Variants in PRKCE observed in about 807,000 individuals in gnomAD.
PRKCE encodes protein kinase C epsilon.
Under a neutral mutation model 85.4 loss-of-function variants are expected in PRKCE, and 16 were observed. The observed-to-expected ratio is 0.19, with a 90% confidence interval of 0.13 to 0.28. The LOEUF is 0.28. PRKCE is among the 10% of genes least tolerant of loss of function. The probability of loss-of-function intolerance (pLI) is 1.00; values close to 1 mark genes in which losing one functional copy is unlikely to be tolerated. For synonymous variants in PRKCE, 388 were observed against 371.5 expected (o/e 1.04, Z -0.51); for missense variants, 573 against 975.2 (o/e 0.59, Z 5.49).
intron 1 of PRKCE, among the ~76,000 whole-genome samples, chr2:45,713,227 C>T (rs1397036464): frequency 6.6e-6 from 1 of 152,160 alleles, no homozygotes; most frequent in Admixed American, 6.6e-5. Flanking sequence ...CATACAGAGG[C>T]TGTCATTGTT....
At chr2:45,693,276 G>A (rs1677885084) in intron 1 of PRKCE, among the ~76,000 whole-genome samples, 1 of 152,178 alleles carries the variant, frequency 6.6e-6, no homozygotes, top group Admixed American at 6.5e-5. Context: ...AGGAAGATAA[G>A]TTTGCTTGTA....
At chr2:45,651,562 G>T (rs1675121524), upstream of PRKCE, 1 of 153,822 alleles carries the variant, frequency 6.5e-6, no homozygotes, top group African/African-American at 2.4e-5. Context: ...TCACCCCCCC[G>T]CCCCGCGCGG....
In PRKCE at chr2:46,110,827, A is replaced by G. The variant is rs1400598025; in HGVS notation, c.1592+24465A>G. Among the ~76,000 whole-genome samples, 4 of 152,120 alleles carry G rather than the reference A, an allele frequency of 2.6e-5. No individual in the cohort carries two copies. The East Asian group carries it at 7.7e-4, about 29-fold the overall frequency. ...TCTTGTTTTTTAATGTACACATTCA[A>G]TGCTATAAAATTCTGTTTAAACACT... On this transcript the variant is annotated intron_variant, in intron 11 of 14. Coordinates refer to ENST00000306156, the MANE Select transcript of PRKCE (RefSeq NM_005400.3).
At chr2:45,677,459 C>T (rs1208141449) in intron 1 of PRKCE, among the ~76,000 whole-genome samples, 1 of 151,578 alleles carries the variant, frequency 6.6e-6, no homozygotes, top group South Asian at 2.1e-4. Flanking sequence ...CGGGTTCCCG[C>T]CATTCTCCTG....
intron 14 of PRKCE, among the ~76,000 whole-genome samples, chr2:46,169,906 G>T (rs966864513): frequency 6.6e-6 from 1 of 152,160 alleles, no homozygotes; most frequent in Non-Finnish European, 1.5e-5. Flanking sequence ...AGACAGAACT[G>T]GGTGCTAGTC....
At chr2:46,180,524 G>C (rs1333037860) in intron 14 of PRKCE, among the ~76,000 whole-genome samples, 1 of 152,188 alleles carries the variant, frequency 6.6e-6, no homozygotes, top group Middle Eastern at 3.2e-3. Flanking sequence ...GGATTTGGAG[G>C]CACAGAAAGA....
rs1359281820 is a variant in PRKCE, at chr2:46,138,495, C to T, written c.1593-6598C>T. On this transcript the variant is annotated intron_variant, in intron 11 of 14. Transcript: ENST00000306156. This position sits in a 1 kb window ranked among gnomAD's most constrained non-coding sequence, Gnocchi z 4.2. Reference sequence around the variant, plus strand: ...GCAGGGTTGGTAGAGTCAGGATTCCCATCTCCTAGGAATAAAATGGCAGAG... The same window carrying T: ...GCAGGGTTGGTAGAGTCAGGATTCCTATCTCCTAGGAATAAAATGGCAGAG... Among the ~76,000 whole-genome samples, 1 of 152,160 alleles carries T rather than the reference C, an allele frequency of 6.6e-6. No individual in the cohort carries two copies. Among genetic ancestry groups the T allele is most frequent in the African/African-American group, 2.4e-5 (1 of 41,434 alleles).
At chr2:45,861,911 T>TA (rs1047520065) in intron 2 of PRKCE, among the ~76,000 whole-genome samples, 1 of 152,022 alleles carries the variant, frequency 6.6e-6, no homozygotes, top group South Asian at 2.1e-4. Context: ...AATGGTTAAG[T>TA]AAAAAAAGTA....
At chr2:45,900,760 T>C (rs1354656444) in intron 2 of PRKCE, among the ~76,000 whole-genome samples, 1 of 152,268 alleles carries the variant, frequency 6.6e-6, no homozygotes, top group East Asian at 1.9e-4. Flanking sequence ...TTTACCATTT[T>C]AACCACGTTT....
At chr2:45,782,878 C>G (rs1235578202) in intron 1 of PRKCE, among the ~76,000 whole-genome samples, 1 of 152,164 alleles carries the variant, frequency 6.6e-6, no homozygotes, top group African/African-American at 2.4e-5. Flanking sequence ...CCAGTTTTCT[C>G]GTGTCTGAAT....
intron 1 of PRKCE, among the ~76,000 whole-genome samples, chr2:45,806,626 T>A (rs1027587815): frequency 3.3e-5 from 5 of 152,210 alleles, no homozygotes; most frequent in African/African-American, 1.2e-4. Flanking sequence ...CCCTTCTACT[T>A]TCTGTCTCTA....
At chr2:45,977,154 C>G (rs1198599661) in intron 3 of PRKCE, among the ~76,000 whole-genome samples, 1 of 152,096 alleles carries the variant, frequency 6.6e-6, no homozygotes, top group Non-Finnish European at 1.5e-5. Flanking sequence ...ACCTCTGCCC[C>G]CCAAAGTGCT....
rs528955503 is a variant in PRKCE at position 46,164,993 on chromosome 2, G to T, written c.2067+5241G>T. 2.0e-5 allele frequency: 3 copies of T among 152,382 alleles called. No individual in the cohort carries two copies. In the East Asian group the frequency reaches 5.8e-4, roughly 29 times the overall value. The allele number at this position is 152,382 out of a possible 1,614,324, so 9.4% of individuals were successfully genotyped here. Reference sequence around the variant, plus strand: ...TGGTCAGGTTCCATCACATACCTCAGTTGGCTTCTATTCCCCCCAGGCTTT... The same window carrying T: ...TGGTCAGGTTCCATCACATACCTCATTTGGCTTCTATTCCCCCCAGGCTTT... On this transcript the variant is annotated intron_variant, in intron 14 of 14. Transcript: ENST00000306156.
chr2:46,100,169 G>T (rs1671069252), intron 11 of PRKCE, among the ~76,000 whole-genome samples: 1 of 152,158 alleles, frequency 6.6e-6, no homozygotes, highest in South Asian at 2.1e-4. Context: ...AATTACCTCA[G>T]TGAGGCTCCA....
intron 1 of PRKCE, among the ~76,000 whole-genome samples, chr2:45,787,717 A>G (rs1409394732): frequency 9.2e-5 from 14 of 152,228 alleles, no homozygotes; most frequent in Admixed American, 4.6e-4. Context: ...TCAACAGAAG[A>G]GACCTGACAA....
At chr2:46,131,160 C>A (rs1363155200) in intron 11 of PRKCE, among the ~76,000 whole-genome samples, 3 of 152,192 alleles carry the variant, frequency 2.0e-5, no homozygotes, top group African/African-American at 7.2e-5. Context: ...CCAAATCTTG[C>A]TCCAAGTAGA....
At chr2:45,933,722 C>T (rs970374462) in intron 2 of PRKCE, among the ~76,000 whole-genome samples, 10 of 151,946 alleles carry the variant, frequency 6.6e-5, no homozygotes, top group African/African-American at 1.7e-4. Context: ...GTGATCCGCC[C>T]GCCTCGGCCT....
In PRKCE at chr2:46,013,596, A is replaced by G. The variant is rs56270415; in HGVS notation, c.1437+3079A>G. 5.1e-3 allele frequency among the ~76,000 whole-genome samples: 780 copies of G among 152,352 alleles called. 6 individuals carry two copies. The highest frequency in any genetic ancestry group is 0.017 in the African/African-American group (726 of 41,576). On this transcript the variant is annotated intron_variant, in intron 10 of 14. Coordinates refer to ENST00000306156, the MANE Select transcript of PRKCE (RefSeq NM_005400.3). ...TTCACTTTTCCTGAAAACAAAGGACAGTTCCTCTGAGCCACCTTAAACCTG... is the reference window on the plus strand; with the variant it reads ...TTCACTTTTCCTGAAAACAAAGGACGGTTCCTCTGAGCCACCTTAAACCTG...
At chr2:45,930,068 C>A (rs1035159943) in intron 2 of PRKCE, among the ~76,000 whole-genome samples, 1 of 152,196 alleles carries the variant, frequency 6.6e-6, no homozygotes, top group Non-Finnish European at 1.5e-5. Flanking sequence ...GAGAAATGAA[C>A]CCTGCTCTTA....
Sources: allele counts gnomAD v4.1 joint callset (sites outside exome capture counted in the v4.1 genomes callset), GRCh38; gene constraint gnomAD v4.1.1; non-coding constraint Gnocchi (gnomAD v3.1); transcripts MANE v1.5; gene names NCBI Gene and HGNC (gene_info 2026-07-23, HGNC 2026-07-21).